KCNB2: variants seen among roughly 807,000 people sequenced by gnomAD.
The protein encoded by KCNB2 is potassium voltage-gated channel subfamily B member 2.
In KCNB2, 15 loss-of-function variants were observed where a neutral mutation model predicts 61.5. The observed-to-expected ratio is 0.24, with a 90% CI of 0.16 to 0.38. KCNB2 has a LOEUF of 0.38. Among genes scored for constraint, KCNB2 ranks in the 10% least tolerant of loss-of-function variants. KCNB2 has a pLI of 1.00. For synonymous variants in KCNB2, 457 were observed against 446.0 expected (o/e 1.02, Z -0.31); for missense variants, 828 against 1,125.2 (o/e 0.74, Z 3.78).
At chr8:72,580,613 T>C (rs1806876187) in intron 2 of KCNB2, among the ~76,000 whole-genome samples, 1 of 152,166 alleles carries the variant, frequency 6.6e-6, no homozygotes, top group African/African-American at 2.4e-5. Context: ...ATAAAACTAG[T>C]CTGTCTTTGG....
chr8:72,854,375 C>A (rs1180603554), intron 2 of KCNB2, among the ~76,000 whole-genome samples: 4 of 152,098 alleles, frequency 2.6e-5, no homozygotes, highest in Admixed American at 2.0e-4. Flanking sequence ...TTTTGATGTT[C>A]GTTTTTATCC....
At chr8:72,778,860 CCAACA>C (rs1327657555) in intron 2 of KCNB2, among the ~76,000 whole-genome samples, 1 of 151,578 alleles carries the variant, frequency 6.6e-6, no homozygotes, top group African/African-American at 2.4e-5. Context: ...ATATTATATC[CCAACA>C]CAACCTCGTA....
At chr8:72,851,665 G>C (rs984821796) in intron 2 of KCNB2, among the ~76,000 whole-genome samples, 5 of 151,890 alleles carry the variant, frequency 3.3e-5, no homozygotes, top group African/African-American at 1.2e-4. Flanking sequence ...TAAACTGTCC[G>C]ATGGCTCCAT....
At chr8:72,763,406 T>C (rs1183228641) in intron 2 of KCNB2, among the ~76,000 whole-genome samples, 1 of 152,136 alleles carries the variant, frequency 6.6e-6, no homozygotes, top group Non-Finnish European at 1.5e-5. Flanking sequence ...TTGCTATCTC[T>C]GGCTACATGT....
intron 2 of KCNB2, among the ~76,000 whole-genome samples, chr8:72,819,363 C>A (rs1229811674): frequency 1.3e-5 from 2 of 152,244 alleles, no homozygotes; most frequent in Middle Eastern, 3.4e-3. Context: ...CACCTCAGCA[C>A]CCCCTTAGAA....
chr8:72,740,622 G>A (rs975667562), intron 2 of KCNB2, among the ~76,000 whole-genome samples: 2 of 152,176 alleles, frequency 1.3e-5, no homozygotes, highest in African/African-American at 4.8e-5. Flanking sequence ...AAAAGGCTTA[G>A]ATGGAGAAAT....
chr8:72,806,839 C>A (rs142692350), intron 2 of KCNB2, among the ~76,000 whole-genome samples: 8 of 152,198 alleles, frequency 5.3e-5, no homozygotes, highest in Non-Finnish European at 1.2e-4. Flanking sequence ...AATTAGCAAA[C>A]TAATTTCAGA....
At chr8:72,579,116 G>T (rs1000883661) in intron 2 of KCNB2, among the ~76,000 whole-genome samples, 2 of 152,116 alleles carry the variant, frequency 1.3e-5, no homozygotes, top group African/African-American at 4.8e-5. Flanking sequence ...GCCTGAGGAG[G>T]TTCTGTTAAT....
At chr8:72,707,065 T>C (rs559885284) in intron 2 of KCNB2, among the ~76,000 whole-genome samples, 5 of 152,238 alleles carry the variant, frequency 3.3e-5, no homozygotes, top group Non-Finnish European at 5.9e-5. Context: ...CTTAATGGGA[T>C]ATGTAGGAAC....
intron 2 of KCNB2, among the ~76,000 whole-genome samples, chr8:72,896,240 T>C (rs79097806): frequency 1.4e-4 from 22 of 152,266 alleles, no homozygotes; most frequent in African/African-American, 4.8e-4. Context: ...TCACTGTTTA[T>C]CTGTTATATA....
At chr8:72,619,108 A>G in intron 2 of KCNB2, 1 of 298,520 alleles carries the variant, frequency 3.3e-6, no homozygotes, top group Non-Finnish European at 6.5e-6. Flanking sequence ...TCCAATATTA[A>G]TGTTGCAGTT....
intron 2 of KCNB2, among the ~76,000 whole-genome samples, chr8:72,801,894 TACA>T: frequency 6.6e-6 from 1 of 152,150 alleles, no homozygotes; most frequent in Non-Finnish European, 1.5e-5. Context: ...ACACATTTGC[TACA>T]ACAAATGTAG....
intron 2 of KCNB2, among the ~76,000 whole-genome samples, chr8:72,586,813 C>A (rs1008737409): frequency 2.0e-5 from 3 of 152,162 alleles, no homozygotes; most frequent in Non-Finnish European, 4.4e-5. Flanking sequence ...AGTCAACAAT[C>A]CAACCACATC....
At chr8:72,855,660 A>T (rs1810195587) in intron 2 of KCNB2, among the ~76,000 whole-genome samples, 1 of 152,132 alleles carries the variant, frequency 6.6e-6, no homozygotes, top group East Asian at 1.9e-4. Context: ...ATCTCCAAGG[A>T]CTAGTATAGC....
intron 2 of KCNB2, chr8:72,750,788 G>A (rs2128995607): frequency 6.6e-6 from 1 of 152,168 alleles, no homozygotes; most frequent in Middle Eastern, 3.4e-3. Context: ...ATGGCTACAT[G>A]TACTTTCCTA....
intron 2 of KCNB2, among the ~76,000 whole-genome samples, chr8:72,831,615 C>T (rs1822064): frequency 0.52 from 78,332 of 152,062 alleles, 20,767 homozygotes; most frequent in Non-Finnish European, 0.58. Flanking sequence ...GGTTATCAAA[C>T]TAATGTACAT....
intron 1 of KCNB2, among the ~76,000 whole-genome samples, chr8:72,553,146 C>T (rs528076852): frequency 6.6e-6 from 1 of 152,102 alleles, no homozygotes. Flanking sequence ...GATGATAGCT[C>T]TTGGCTTGCT....
At chr8:72,887,853 G>A (rs1805831539) in intron 2 of KCNB2, among the ~76,000 whole-genome samples, 1 of 152,160 alleles carries the variant, frequency 6.6e-6, no homozygotes, top group African/African-American at 2.4e-5. Flanking sequence ...GCCCAGAAAG[G>A]AGCTTGGAAT....
intron 2 of KCNB2, among the ~76,000 whole-genome samples, chr8:72,659,338 G>T (rs1215853178): frequency 1.3e-5 from 2 of 152,224 alleles, no homozygotes; most frequent in Non-Finnish European, 2.9e-5. Context: ...TTGCTGCAAT[G>T]ACACGATTTG....
Sources: gnomAD v4.1 joint callset for allele counts (sites outside exome capture counted in the v4.1 genomes callset) on GRCh38, gnomAD v4.1.1 for gene constraint, MANE v1.5 for transcripts, NCBI Gene and HGNC (gene_info 2026-07-23, HGNC 2026-07-21) for gene names.